ANKHD1: variants seen among roughly 807,000 people sequenced by gnomAD.
ANKHD1 encodes the protein ankyrin repeat and KH domain-containing protein 1.
In ANKHD1, 31 loss-of-function variants were observed where a neutral mutation model predicts 230.5. That is an observed-to-expected ratio of 0.13 (90% CI 0.10 to 0.18). The LOEUF (loss-of-function observed/expected upper bound fraction) is 0.18. Among genes scored for constraint, ANKHD1 ranks in the 10% least tolerant of loss-of-function variants. The probability of loss-of-function intolerance (pLI) is 1.00; values close to 1 mark genes in which losing one functional copy is unlikely to be tolerated. For synonymous variants in ANKHD1, 1,074 were observed against 1,117.6 expected (o/e 0.96, Z 0.78); for missense variants, 2,256 against 3,071.3 (o/e 0.73, Z 6.27).
intron 24 of ANKHD1, among the ~76,000 whole-genome samples, chr5:140,519,816 A>T (rs550530958): frequency 6.6e-6 from 1 of 152,188 alleles, no homozygotes; most frequent in Admixed American, 6.5e-5. Context: ...ACCTAAAACC[A>T]TAAAAACCCT....
At chr5:140,472,288 A>G in intron 10 of ANKHD1, 4 of 1,613,742 alleles carry the variant, frequency 2.5e-6, no homozygotes, top group Non-Finnish European at 3.4e-6. Flanking sequence ...GATCCGGCCA[A>G]GCATCAGGTG....
At chr5:140,457,558 C>A (rs1216701455) in intron 7 of ANKHD1, among the ~76,000 whole-genome samples, 1 of 152,080 alleles carries the variant, frequency 6.6e-6, no homozygotes, top group Admixed American at 6.5e-5. Context: ...TTTGTAGGGA[C>A]ATGGATGAAG....
At position 140,401,994 on chromosome 5, in the gene ANKHD1, C is replaced by G; in HGVS notation, c.27C>G (p.Gly9=). Residue 9 remains glycine, a synonymous_variant, in exon 1 of 34, where the codon GGC becomes GGG. Coordinates refer to ENST00000360839, the MANE Select transcript of ANKHD1 (RefSeq NM_017747.3). ...TGCTGACTGATAGCGGAGGCGGCGGCACCTCCTTTGAGGAGGACCTGGACT... is the reference window on the plus strand; with the variant it reads ...TGCTGACTGATAGCGGAGGCGGCGGGACCTCCTTTGAGGAGGACCTGGACT... MLTDSGGG[G]TSFEEDLDSV... 1 of 1,557,806 alleles carries G rather than the reference C, an allele frequency of 6.4e-7. No individual in the cohort carries two copies. The highest frequency in any genetic ancestry group is 8.6e-7 in the Non-Finnish European group (1 of 1,156,828).
chr5:140,413,478 A>G (rs1771101768), intron 1 of ANKHD1, among the ~76,000 whole-genome samples: 1 of 152,166 alleles, frequency 6.6e-6, no homozygotes. Context: ...GAAATTCTGT[A>G]CTTGTTAAAC....
intron 9 of ANKHD1, among the ~76,000 whole-genome samples, chr5:140,464,429 G>T (rs948809160): frequency 1.3e-5 from 2 of 152,054 alleles, no homozygotes; most frequent in African/African-American, 4.8e-5. Context: ...ATTCCTTAGG[G>T]TATATCTTAC....
Position 140,500,648 on chromosome 5 carries a change from CAAAAAA to C in ANKHD1, c.3004+3386_3004+3391del, listed in dbSNP as rs376975917. On this transcript the variant is annotated intron_variant, in intron 15 of 33. Transcript: ENST00000360839. Reference sequence around the variant, plus strand: ...GGGGCAACAGAGCGAGACTCTGTCTCAAAAAAAAAAAAAAAAAAAAAGAAAAGAAAA... The same window carrying C: ...GGGGCAACAGAGCGAGACTCTGTCTCAAAAAAAAAAAAAAAGAAAAGAAAA... 2.3e-4 allele frequency among the ~76,000 whole-genome samples: 18 copies of C among 78,724 alleles called. No individual in the cohort carries two copies. The East Asian group carries it at 3.1e-3, about 14-fold the overall frequency. The allele number at this position is 78,724 out of a possible 152,430, so 51.6% of individuals were successfully genotyped here. A position where few individuals can be genotyped will look rare whatever the true frequency, so the allele number is the denominator to read the frequency against.
chr5:140,514,266 G>A (rs906829946), intron 24 of ANKHD1, among the ~76,000 whole-genome samples: 61 of 151,906 alleles, frequency 4.0e-4, no homozygotes, highest in Non-Finnish European at 6.6e-4. Context: ...AGGCTGAGGA[G>A]GGTGGACTGC....
chr5:140,434,504 A>G (rs1434857749), intron 1 of ANKHD1, among the ~76,000 whole-genome samples: 1 of 150,712 alleles, frequency 6.6e-6, no homozygotes, highest in Non-Finnish European at 1.5e-5. Flanking sequence ...GATATACATT[A>G]CATATATTAT....
At chr5:140,492,668 G>T (rs1471104205) in intron 14 of ANKHD1, among the ~76,000 whole-genome samples, 2 of 152,132 alleles carry the variant, frequency 1.3e-5, no homozygotes, top group African/African-American at 2.4e-5. Context: ...TTCTAGTAGG[G>T]TGCTGTGTGA....
At chr5:140,437,577 A>G (rs1235359313) in intron 2 of ANKHD1, among the ~76,000 whole-genome samples, 1 of 152,032 alleles carries the variant, frequency 6.6e-6, no homozygotes, top group Non-Finnish European at 1.5e-5. Context: ...GTGGCGGCGC[A>G]CCCCTGTAAT....
chr5:140,507,690 C>T lies in ANKHD1; in HGVS notation c.3552-95C>T, dbSNP rs1295002000. ...AAAATCTATTCATTGATGTTAGAAA[C>T]CTCTCTTTTTAGTGAAACCTTTTCA... On this transcript the variant is annotated intron_variant, in intron 19 of 33. Transcript: ENST00000360839. The surrounding 1 kb of genome is among the most constrained non-coding windows in gnomAD (Gnocchi z 4.1). 2 of 1,399,230 alleles carry T rather than the reference C, an allele frequency of 1.4e-6. No individual in the cohort carries two copies. Among genetic ancestry groups the T allele is most frequent in the African/African-American group, 2.9e-5 (2 of 69,046 alleles). The allele number at this position is 1,399,230 out of a possible 1,614,324, so 86.7% of individuals were successfully genotyped here.
At chr5:140,503,553 C>CTT (rs70988767) in intron 15 of ANKHD1, among the ~76,000 whole-genome samples, 1,655 of 51,364 alleles carry the variant, frequency 0.032, 223 homozygotes, top group East Asian at 0.053. Context: ...AGTTTTCTTT[C>CTT]TTTTTTTTTT....
rs1046647326 is a variant in ANKHD1, at chr5:140,525,530, T to G, written c.4493-466T>G. ...ATCCACCTGCCTTGGCCTCCCACAG[T>G]GCTGAAATTACAGGCATGAGCCACT... is the stretch of plus-strand genomic sequence containing the variant. On this transcript the variant is annotated intron_variant, in intron 25 of 33. Coordinates refer to ENST00000360839, the MANE Select transcript of ANKHD1 (RefSeq NM_017747.3). 2.6e-5 allele frequency among the ~76,000 whole-genome samples: 4 copies of G among 152,304 alleles called. No homozygotes were observed. The South Asian group carries it at 8.3e-4, about 32-fold the overall frequency.
chr5:140,410,705 A>G (rs1460996380), intron 1 of ANKHD1, among the ~76,000 whole-genome samples: 1 of 152,158 alleles, frequency 6.6e-6, no homozygotes, highest in Admixed American at 6.5e-5. Context: ...CTATAGAGTC[A>G]TAGAATCTTG....
chr5:140,427,268 G>C (rs1259616962), intron 1 of ANKHD1, among the ~76,000 whole-genome samples: 1 of 146,190 alleles, frequency 6.8e-6, no homozygotes, highest in Admixed American at 6.7e-5. Context: ...CTGGCCGGGC[G>C]GGGGGCTGAC....
At chr5:140,405,345 GTT>G (rs1432375293) in intron 1 of ANKHD1, among the ~76,000 whole-genome samples, 1 of 152,082 alleles carries the variant, frequency 6.6e-6, no homozygotes, top group Non-Finnish European at 1.5e-5. Flanking sequence ...TTTGGGTCCT[GTT>G]TCTCCCATAT....
At chr5:140,433,026 G>A (rs531090565) in intron 1 of ANKHD1, among the ~76,000 whole-genome samples, 2 of 150,594 alleles carry the variant, frequency 1.3e-5, no homozygotes, top group East Asian at 2.0e-4. Context: ...TTTTTGAGTG[G>A]ACAATTCATC....
intron 10 of ANKHD1, among the ~76,000 whole-genome samples, chr5:140,480,229 A>G (rs969713451): frequency 3.3e-5 from 5 of 152,078 alleles, no homozygotes; most frequent in African/African-American, 4.8e-5. Flanking sequence ...ATGTATATTT[A>G]TAGAGAGGAA....
intron 10 of ANKHD1, chr5:140,472,156 G>GTA: frequency 2.7e-6 from 3 of 1,112,656 alleles, no homozygotes. Flanking sequence ...ACCATCTGAA[G>GTA]TATCGGTCAC....
Sources: gnomAD v4.1 joint callset for allele counts (sites outside exome capture counted in the v4.1 genomes callset) on GRCh38, gnomAD v4.1.1 for gene constraint, Gnocchi (gnomAD v3.1) non-coding constraint, MANE v1.5 for transcripts, NCBI Gene and HGNC (gene_info 2026-07-23, HGNC 2026-07-21) for gene names.